Variants in LCOR observed in about 807,000 individuals in gnomAD.
The protein encoded by LCOR is ligand-dependent corepressor.
In LCOR, 14 loss-of-function variants were observed where a neutral mutation model predicts 64.4. The observed-to-expected ratio is 0.22, with a 90% CI of 0.14 to 0.34. LCOR has a LOEUF of 0.34. Ranked by LOEUF, LCOR falls within the 10% of genes least tolerant of loss-of-function variation. The probability of loss-of-function intolerance (pLI) is 1.00; values close to 1 mark genes in which losing one functional copy is unlikely to be tolerated. For missense variants in LCOR, 1,686 were observed against 1,765.3 expected (o/e 0.96, Z 0.80); for synonymous variants, 643 against 642.5 (o/e 1.00, Z -0.01).
At chr10:96,872,925 T>C (rs925701935) in intron 2 of LCOR, among the ~76,000 whole-genome samples, 2 of 150,750 alleles carry the variant, frequency 1.3e-5, no homozygotes, top group African/African-American at 5.0e-5. Context: ...AACTATGTTT[T>C]TTTAAAAAAC....
chr10:96,981,511 G>C lies in LCOR; in HGVS notation c.1051G>C (p.Ala351Pro), dbSNP rs1221545312. The change falls in exon 8 of 8, where the codon GCT (alanine) becomes CCT (proline). Residue 351 changes from alanine (A) to proline (P), a missense_variant. Transcript: ENST00000421806. ...RNLFKALSEE[A>P]WNSGFMGNSS... ...TTTGTTCAAAGCTTTATCAGAAGAG[G>C]CTTGGAACTCAGGGTTTATGGGGAA... 1 of 1,614,082 alleles carries C rather than the reference G, an allele frequency of 6.2e-7. No individual in the cohort carries two copies. Among genetic ancestry groups the C allele is most frequent in the Admixed American group, 1.7e-5 (1 of 60,010 alleles).
chr10:96,878,247 C>G (rs2134415823), intron 2 of LCOR, among the ~76,000 whole-genome samples: 1 of 140,428 alleles, frequency 7.1e-6, no homozygotes, highest in South Asian at 2.1e-4. Flanking sequence ...TTAGTTTTAG[C>G]AAACTAACTG....
chr10:96,955,279 A>T, intron 7 of LCOR: 1 of 1,614,076 alleles, frequency 6.2e-7, no homozygotes, highest in Non-Finnish European at 8.5e-7. Flanking sequence ...AACATCAGTG[A>T]CCTTCCTTTT....
At chr10:96,863,320 C>T (rs1213509977) in intron 2 of LCOR, among the ~76,000 whole-genome samples, 2 of 151,036 alleles carry the variant, frequency 1.3e-5, no homozygotes, top group African/African-American at 2.4e-5. Context: ...TCTCCTGCCT[C>T]AGCCTCCTGA....
At chr10:96,909,013 C>A (rs1185822726) in intron 4 of LCOR, among the ~76,000 whole-genome samples, 1 of 152,188 alleles carries the variant, frequency 6.6e-6, no homozygotes, top group African/African-American at 2.4e-5. Flanking sequence ...CCGCGCCCGG[C>A]CTTCTTCTGT....
chr10:96,837,043 G>C (rs1337349013), intron 2 of LCOR, among the ~76,000 whole-genome samples: 2 of 151,064 alleles, frequency 1.3e-5, no homozygotes, highest in Admixed American at 6.6e-5. Flanking sequence ...CTAGGCTGGA[G>C]TGCAGTGGCA....
intron 7 of LCOR, among the ~76,000 whole-genome samples, chr10:96,975,393 A>AT (rs1848029984): frequency 6.6e-6 from 1 of 152,062 alleles, no homozygotes; most frequent in Admixed American, 6.6e-5. Flanking sequence ...CATCATGCCT[A>AT]TGTGTCTAGT....
chr10:96,901,846 T>A (rs1328717843), intron 2 of LCOR, among the ~76,000 whole-genome samples: 1 of 152,094 alleles, frequency 6.6e-6, no homozygotes, highest in African/African-American at 2.4e-5. Flanking sequence ...CTCGGCTCAC[T>A]GCACCTTACA....
chr10:96,877,285 A>G (rs995315312), intron 2 of LCOR, among the ~76,000 whole-genome samples: 13 of 152,162 alleles, frequency 8.5e-5, no homozygotes, highest in Non-Finnish European at 1.9e-4. Flanking sequence ...GCACTTTGGG[A>G]GGCAGAGGTG....
intron 2 of LCOR, among the ~76,000 whole-genome samples, chr10:96,835,689 G>C (rs1324863583): frequency 6.6e-6 from 1 of 152,114 alleles, no homozygotes; most frequent in East Asian, 1.9e-4. Context: ...GGGTCATTTG[G>C]TTTCTGGAAG....
intron 6 of LCOR, among the ~76,000 whole-genome samples, chr10:96,950,802 A>G (rs1262821455): frequency 8.5e-5 from 13 of 152,106 alleles, no homozygotes; most frequent in Admixed American, 6.5e-4. Context: ...TGATTAGACA[A>G]ATTGTCTATT....
At chr10:96,838,421 C>G (rs2134360734) in intron 2 of LCOR, among the ~76,000 whole-genome samples, 1 of 152,284 alleles carries the variant, frequency 6.6e-6, no homozygotes, top group Admixed American at 6.5e-5. Flanking sequence ...CACACCCACC[C>G]TCAAAACATT....
chr10:96,978,592 T>C (rs1329645744), intron 7 of LCOR, among the ~76,000 whole-genome samples: 1 of 152,232 alleles, frequency 6.6e-6, no homozygotes, highest in East Asian at 1.9e-4. Context: ...TTCTATGACA[T>C]TTCTAGTCTT....
At chr10:96,839,542 TG>T (rs1845503051) in intron 2 of LCOR, among the ~76,000 whole-genome samples, 1 of 152,238 alleles carries the variant, frequency 6.6e-6, no homozygotes, top group Admixed American at 6.5e-5. Flanking sequence ...ATGTTTTGAA[TG>T]AATCTGTTCC....
rs1283546323 is a variant in LCOR, at chr10:96,989,724, G to C, written c.*4590G>C. ...TTTTTTTTTTTTTTTTTTTTTAATA[G>C]AGACGAGGTTACGCTATGTTGCCGA... is the stretch of plus-strand genomic sequence containing the variant. On this transcript the variant is annotated 3_prime_UTR_variant, in exon 8 of 8. Coordinates refer to ENST00000421806, the MANE Select transcript of LCOR (RefSeq NM_001346516.2). The C allele has an allele frequency of 1.0e-5, 1 of 97,022 alleles. No individual in the cohort carries two copies. The allele number at this position is 97,022 out of a possible 1,614,324, so 6.0% of individuals were successfully genotyped here.
intron 6 of LCOR, 63 bp from the exon 7 acceptor site, chr10:96,952,036 TAGCC>T: frequency 1.8e-6 from 2 of 1,111,452 alleles, no homozygotes; most frequent in Admixed American, 1.9e-5. Context: ...TTTTCATTTT[TAGCC>T]TATTTAGTTT....
chr10:96,915,688 A>G lies in LCOR; in HGVS notation c.-184+7941A>G, dbSNP rs1233596019. 2.0e-5 allele frequency: 15 copies of G among 751,320 alleles called. No homozygotes were observed. In the Admixed American group the frequency reaches 2.4e-4, roughly 12 times the overall value. 46.5% of individuals were successfully genotyped at this position (751,320 alleles called of 1,614,324 possible). A position where few individuals can be genotyped will look rare whatever the true frequency, so the allele number is the denominator to read the frequency against. On this transcript the variant is annotated intron_variant, in intron 4 of 7. Coordinates refer to ENST00000421806, the MANE Select transcript of LCOR (RefSeq NM_001346516.2). The stretch of plus-strand genomic sequence containing the variant: ...TGCCTGGTCTGATTTGGCATTTCCC[A>G]TTTTCTACAGGGTTATTCACCTCCT...
rs182482158 is a variant in LCOR at position 96,950,216 on chromosome 10, T to A, written c.238+921T>A. Among the ~76,000 whole-genome samples the A allele has an allele frequency of 1.1e-4, 16 of 152,260 alleles. No individual in the cohort carries two copies. The East Asian group carries it at 2.5e-3, about 24-fold the overall frequency. ...TTATTGGTGAGAAATACATGTTTAT[T>A]TTGGAAAATAAATTTAATTCTTAAC... On this transcript the variant is annotated intron_variant, in intron 6 of 7. Transcript: ENST00000421806.
chr10:96,907,106 A>G (rs1846742651), intron 2 of LCOR, among the ~76,000 whole-genome samples, 159 bp from the exon 3 acceptor site: 1 of 152,040 alleles, frequency 6.6e-6, no homozygotes. Flanking sequence ...TGCTCCTTTT[A>G]GATTTGTCAT....
Sources: gnomAD v4.1 joint callset for allele counts (sites outside exome capture counted in the v4.1 genomes callset) on GRCh38, gnomAD v4.1.1 for gene constraint, MANE v1.5 for transcripts, NCBI Gene and HGNC (gene_info 2026-07-23, HGNC 2026-07-21) for gene names.